The following OSTN variants were observed in gnomAD, a reference collection of about 807,000 sequenced individuals.
OSTN encodes the protein osteocrin.
OSTN carries 9 observed loss-of-function variants against 12.0 expected under a neutral mutation model. The observed-to-expected ratio is 0.75, with a 90% CI of 0.45 to 1.30. The LOEUF (loss-of-function observed/expected upper bound fraction) is 1.30. Among genes scored for constraint, OSTN ranks in the 50% most tolerant of loss-of-function variants. The pLI is 0.00. For missense variants in OSTN, 148 were observed against 152.3 expected (o/e 0.97, Z 0.15); for synonymous variants, 59 against 56.9 (o/e 1.04, Z -0.16).
At chr3:191,253,781 A>C (rs945762391) in intron 4 of OSTN, among the ~76,000 whole-genome samples, 1 of 152,236 alleles carries the variant, frequency 6.6e-6, no homozygotes, top group African/African-American at 2.4e-5. Context: ...ATTAATGCAA[A>C]TTCTCTACAG....
In OSTN at chr3:191,265,383, T is replaced by C. The variant is rs536918445; in HGVS notation, c.*2530T>C. 1.5e-3 allele frequency: 229 copies of C among 152,344 alleles called. 1 individual carries two copies. The highest frequency in any genetic ancestry group is 5.2e-3 in the African/African-American group (218 of 41,582). The allele number at this position is 152,344 out of a possible 1,614,324, so 9.4% of individuals were successfully genotyped here. A position where few individuals can be genotyped will look rare whatever the true frequency, so the allele number is the denominator to read the frequency against. Reference sequence around the variant, plus strand: ...AGGATGTTAGTTACTGGCTATGTTGTCCTAAAATTTACACACACTAAAAAA... The same window carrying C: ...AGGATGTTAGTTACTGGCTATGTTGCCCTAAAATTTACACACACTAAAAAA... On this transcript the variant is annotated 3_prime_UTR_variant, in exon 5 of 5. Transcript: ENST00000682035.
intron 3 of OSTN, among the ~76,000 whole-genome samples, chr3:191,222,565 C>T (rs1000698064): frequency 3.3e-5 from 5 of 152,124 alleles, no homozygotes; most frequent in Admixed American, 2.6e-4. Context: ...CAGAAGAGAA[C>T]TGCCTTGTCT....
At chr3:191,203,525 A>G (rs576310154) in intron 1 of OSTN, among the ~76,000 whole-genome samples, 2 of 152,368 alleles carry the variant, frequency 1.3e-5, no homozygotes, top group East Asian at 3.9e-4. Flanking sequence ...AAGGCAAAGT[A>G]TCTAAAAAAG....
chr3:191,211,070 A>C (rs1714405803), intron 1 of OSTN, among the ~76,000 whole-genome samples: 1 of 152,224 alleles, frequency 6.6e-6, no homozygotes, highest in African/African-American at 2.4e-5. Flanking sequence ...ATAGATTAAA[A>C]ACTGATTCCC....
At chr3:191,256,662 TAAA>T (rs1239154139) in intron 4 of OSTN, among the ~76,000 whole-genome samples, 1 of 150,460 alleles carries the variant, frequency 6.6e-6, no homozygotes, top group Non-Finnish European at 1.5e-5. Flanking sequence ...AAACAGCAAA[TAAA>T]ATTTTTTACT....
intron 1 of OSTN, among the ~76,000 whole-genome samples, chr3:191,206,030 C>T (rs1004033655): frequency 2.0e-5 from 3 of 151,950 alleles, no homozygotes; most frequent in African/African-American, 7.2e-5. Context: ...AGTAAAAATA[C>T]AAAACTTAGC....
At chr3:191,209,187 G>A (rs1007717546) in intron 1 of OSTN, among the ~76,000 whole-genome samples, 36 of 151,958 alleles carry the variant, frequency 2.4e-4, no homozygotes, top group Admixed American at 1.5e-3. Context: ...AAGATATATC[G>A]GAAATATGAA....
intron 4 of OSTN, among the ~76,000 whole-genome samples, chr3:191,260,496 G>A (rs1333962457): frequency 6.6e-6 from 1 of 152,102 alleles, no homozygotes; most frequent in Non-Finnish European, 1.5e-5. Flanking sequence ...TGTGAGGGGG[G>A]TGCCAGTAAT....
intron 4 of OSTN, among the ~76,000 whole-genome samples, chr3:191,255,844 G>A (rs999069948): frequency 4.6e-5 from 7 of 151,750 alleles, no homozygotes; most frequent in South Asian, 2.1e-4. Context: ...TTGATGTTGC[G>A]TTAGCAGTTG....
chr3:191,247,990 T>C (rs1249840454), intron 3 of OSTN, among the ~76,000 whole-genome samples: 1 of 152,046 alleles, frequency 6.6e-6, no homozygotes, highest in East Asian at 1.9e-4. Flanking sequence ...CACGCCACCA[T>C]GCCCTGCTAA....
intron 4 of OSTN, among the ~76,000 whole-genome samples, chr3:191,255,312 T>C (rs1302166292): frequency 6.6e-6 from 1 of 152,178 alleles, no homozygotes; most frequent in Admixed American, 6.5e-5. Flanking sequence ...GCCACAGACA[T>C]GTGCTGGTCC....
At chr3:191,227,509 A>G (rs1425088696) in intron 3 of OSTN, among the ~76,000 whole-genome samples, 1 of 152,200 alleles carries the variant, frequency 6.6e-6, no homozygotes, top group East Asian at 1.9e-4. Context: ...ATATACTAGT[A>G]AAAGTGTGTT....
At position 191,208,299 on chromosome 3, in the gene OSTN, G is replaced by T. The variant is rs139612933; in HGVS notation, c.1-4234G>T. 1.9e-4 allele frequency among the ~76,000 whole-genome samples: 29 copies of T among 152,218 alleles called. No homozygotes were observed. In the East Asian group the frequency reaches 4.8e-3, roughly 25 times the overall value. On this transcript the variant is annotated intron_variant, in intron 1 of 4. Transcript: ENST00000682035. ...CTATCAACAAAAATAGGAAAATGGG[G>T]CTGAACTTAGACTTTTCCTTTCCTC...
Position 191,212,574 on chromosome 3 carries a change from T to G in OSTN, c.42T>G (p.Ala14=). ...TGGCAAGTGCACATTTCATCCTGGC[T>G]GTGACACTGACACTGTGGAGCTCAG... is the stretch of plus-strand genomic sequence containing the variant. ...WRLASAHFIL[A]VTLTLWSSGK... The change falls in exon 2 of 5, where the codon GCT becomes GCG. Residue 14 remains alanine (A), a synonymous_variant. Coordinates refer to ENST00000682035, the MANE Select transcript of OSTN (RefSeq NM_198184.2). 6.3e-7 allele frequency: 1 copy of G among 1,598,680 alleles called. No homozygotes were observed. Among genetic ancestry groups the G allele is most frequent in the Non-Finnish European group, 8.5e-7 (1 of 1,169,992 alleles).
intron 4 of OSTN, among the ~76,000 whole-genome samples, chr3:191,255,581 T>G (rs977533676): frequency 6.6e-6 from 1 of 152,196 alleles, no homozygotes; most frequent in Non-Finnish European, 1.5e-5. Context: ...AAACATTATA[T>G]TCCTAGAAAC....
intron 1 of OSTN, among the ~76,000 whole-genome samples, chr3:191,207,326 A>G (rs1055287435): frequency 1.6e-4 from 24 of 152,192 alleles, no homozygotes; most frequent in African/African-American, 4.6e-4. Context: ...TCAACTATCC[A>G]TAAGTCAGAT....
rs112383609 is a variant in OSTN at position 191,236,391 on chromosome 3, G to T, written c.318-13646G>T. 6.5e-3 allele frequency among the ~76,000 whole-genome samples: 982 copies of T among 152,166 alleles called. 11 individuals carry two copies. The highest frequency in any genetic ancestry group is 0.035 in the South Asian group (168 of 4,822). Reference sequence around the variant, plus strand: ...GGGTTCTTGGATGTCACACAAGAAAGAATTTAAGGCAAGTCCACAGAGTAA... The same window carrying T: ...GGGTTCTTGGATGTCACACAAGAAATAATTTAAGGCAAGTCCACAGAGTAA... On this transcript the variant is annotated intron_variant, in intron 3 of 4. Transcript: ENST00000682035.
At chr3:191,222,547 C>T (rs1363072759) in intron 3 of OSTN, among the ~76,000 whole-genome samples, 3 of 152,138 alleles carry the variant, frequency 2.0e-5, no homozygotes, top group Non-Finnish European at 4.4e-5. Flanking sequence ...GATTTTCAGG[C>T]TCATAGGCAG....
chr3:191,242,789 GA>G (rs1158458484), intron 3 of OSTN, among the ~76,000 whole-genome samples: 2 of 152,100 alleles, frequency 1.3e-5, no homozygotes, highest in Non-Finnish European at 2.9e-5. Context: ...TATTAGGGTA[GA>G]GGTGATTTAT....
Sources: allele counts gnomAD v4.1 joint callset (sites outside exome capture counted in the v4.1 genomes callset), GRCh38; gene constraint gnomAD v4.1.1; transcripts MANE v1.5; gene names NCBI Gene and HGNC (gene_info 2026-07-23, HGNC 2026-07-21).